ADAM2: variants seen among roughly 807,000 people sequenced by gnomAD.
The protein encoded by ADAM2 is disintegrin and metalloproteinase domain-containing protein 2.
In ADAM2, 101 loss-of-function variants were observed where a neutral mutation model predicts 99.3. The observed-to-expected ratio is 1.02, with a 90% CI of 0.87 to 1.20. The LOEUF (loss-of-function observed/expected upper bound fraction) is 1.20, where lower values mean the gene tolerates loss of function less well. Ranked by LOEUF, ADAM2 falls within the 50% of genes most tolerant of loss-of-function variation. The pLI is 0.00. For missense variants in ADAM2, 948 were observed against 878.7 expected (o/e 1.08, Z -1.00); for synonymous variants, 323 against 287.6 (o/e 1.12, Z -1.25).
chr8:39,801,356 A>G (rs1804202062), intron 7 of ADAM2, among the ~76,000 whole-genome samples: 1 of 152,126 alleles, frequency 6.6e-6, no homozygotes, highest in South Asian at 2.1e-4. Flanking sequence ...ATGTCACTCA[A>G]GAAGGCTGGA....
chr8:39,796,803 CT>C (rs1175454041), intron 7 of ADAM2, among the ~76,000 whole-genome samples: 4 of 151,970 alleles, frequency 2.6e-5, no homozygotes, highest in Non-Finnish European at 5.9e-5. Flanking sequence ...TGATGTGGAG[CT>C]TTTTTTTCCA....
At chr8:39,774,332 T>C (rs1156755889) in intron 11 of ADAM2, among the ~76,000 whole-genome samples, 2 of 152,104 alleles carry the variant, frequency 1.3e-5, no homozygotes, top group Non-Finnish European at 2.9e-5. Flanking sequence ...AGGCAAGATA[T>C]AGATGTTTTA....
chr8:39,787,193 ATCTT>A (rs946983232), intron 9 of ADAM2, 138 bp from the exon 10 acceptor site: 12 of 435,722 alleles, frequency 2.8e-5, no homozygotes, highest in African/African-American at 1.2e-4. Flanking sequence ...ATGTGACTAA[ATCTT>A]TCTGCTTCTT....
intron 14 of ADAM2, among the ~76,000 whole-genome samples, chr8:39,764,306 A>G (rs1802480205): frequency 6.6e-6 from 1 of 152,180 alleles, no homozygotes. Context: ...GCTACTTGGG[A>G]GGCTGAGGCA....
chr8:39,794,543 C>T (rs775350911), intron 7 of ADAM2, among the ~76,000 whole-genome samples: 11 of 152,220 alleles, frequency 7.2e-5, no homozygotes, highest in Middle Eastern at 3.4e-3. Flanking sequence ...GACAGCCTGG[C>T]ACCGCACCAT....
chr8:39,789,076 C>A (rs111337455), intron 7 of ADAM2, among the ~76,000 whole-genome samples: 3 of 151,456 alleles, frequency 2.0e-5, no homozygotes, highest in African/African-American at 7.2e-5. Context: ...GTATAGGAGA[C>A]ATAGTACATT....
chr8:39,799,787 A>AGT (rs1345060263), intron 7 of ADAM2, among the ~76,000 whole-genome samples: 1 of 152,158 alleles, frequency 6.6e-6, no homozygotes, highest in Non-Finnish European at 1.5e-5. Context: ...ACCCTTATGT[A>AGT]GTGTCCTTCT....
chr8:39,772,106 C>T (rs1313622421), intron 11 of ADAM2, among the ~76,000 whole-genome samples: 5 of 120,964 alleles, frequency 4.1e-5, no homozygotes, highest in African/African-American at 1.0e-4. Flanking sequence ...GGAGAGAGAA[C>T]GGTAAAAAAA....
chr8:39,795,498 G>A (rs1366509591), intron 7 of ADAM2, among the ~76,000 whole-genome samples: 1 of 152,044 alleles, frequency 6.6e-6, no homozygotes, highest in East Asian at 1.9e-4. Context: ...TCTTTCTATT[G>A]ATAACTCCTT....
chr8:39,769,651 A>G, intron 11 of ADAM2, 76 bp from the exon 12 acceptor site: 7 of 962,500 alleles, frequency 7.3e-6, no homozygotes, highest in East Asian at 2.6e-5. Flanking sequence ...AACCTATACA[A>G]CAGCATTCCA....
chr8:39,808,833 T>C (rs1586136125), intron 7 of ADAM2, among the ~76,000 whole-genome samples: 1 of 152,134 alleles, frequency 6.6e-6, no homozygotes, highest in Non-Finnish European at 1.5e-5. Context: ...GGAGAATCAC[T>C]TGAACCCATG....
intron 7 of ADAM2, among the ~76,000 whole-genome samples, chr8:39,807,485 AAATTTCATATTT>A (rs1804488586): frequency 6.6e-6 from 1 of 152,164 alleles, no homozygotes; most frequent in Admixed American, 6.5e-5. Context: ...TCTCTCTCCA[AAATTTCATATTT>A]TGGAGCCCTG....
intron 7 of ADAM2, among the ~76,000 whole-genome samples, chr8:39,792,491 C>T (rs1190211358): frequency 6.6e-6 from 1 of 152,018 alleles, no homozygotes; most frequent in Non-Finnish European, 1.5e-5. Flanking sequence ...CCCTCTCTTT[C>T]CTCCTCTGCT....
intron 7 of ADAM2, among the ~76,000 whole-genome samples, chr8:39,805,668 C>T (rs1804406387): frequency 6.6e-6 from 1 of 152,154 alleles, no homozygotes; most frequent in African/African-American, 2.4e-5. Context: ...TGTGGCAATT[C>T]TACCATAACA....
At chr8:39,832,553 C>T (rs1183240065) in intron 3 of ADAM2, among the ~76,000 whole-genome samples, 1 of 152,162 alleles carries the variant, frequency 6.6e-6, no homozygotes, top group Non-Finnish European at 1.5e-5. Context: ...TTTGGTTATT[C>T]ATTTCTAAAA....
At chr8:39,760,882 C>CAAAAAAA (rs58386097) in intron 15 of ADAM2, among the ~76,000 whole-genome samples, 42 of 60,176 alleles carry the variant, frequency 7.0e-4, no homozygotes, top group African/African-American at 1.6e-3. Flanking sequence ...GACTCCATCT[C>CAAAAAAA]AAAAAAAAAA....
intron 11 of ADAM2, among the ~76,000 whole-genome samples, chr8:39,775,970 T>C (rs943302665): frequency 6.6e-6 from 1 of 152,134 alleles, no homozygotes; most frequent in African/African-American, 2.4e-5. Context: ...TTGGAAGCTA[T>C]AGCAGAACTA....
intron 7 of ADAM2, among the ~76,000 whole-genome samples, chr8:39,796,247 C>T (rs1356709603): frequency 2.0e-5 from 3 of 152,150 alleles, no homozygotes; most frequent in East Asian, 1.9e-4. Context: ...TGTGTCCTTG[C>T]ATTCTCAATG....
At chr8:39,802,229 T>C (rs1322321529) in intron 7 of ADAM2, among the ~76,000 whole-genome samples, 1 of 152,120 alleles carries the variant, frequency 6.6e-6, no homozygotes, top group Non-Finnish European at 1.5e-5. Context: ...GGGGAGGGGA[T>C]TCCCCTTCCC....
Sources: allele counts gnomAD v4.1 joint callset (sites outside exome capture counted in the v4.1 genomes callset), GRCh38; gene constraint gnomAD v4.1.1; transcripts MANE v1.5; gene names NCBI Gene and HGNC (gene_info 2026-07-23, HGNC 2026-07-21).